PHLDB2: variants seen among roughly 807,000 people sequenced by gnomAD.
The protein encoded by PHLDB2 is pleckstrin homology-like domain family B member 2.
In PHLDB2, 71 loss-of-function variants were observed where a neutral mutation model predicts 123.6. The ratio of observed to expected loss-of-function variants is 0.57; its 90% CI spans 0.47 to 0.70. The LOEUF is 0.70. PHLDB2 is among the 30% of genes least tolerant of loss of function. PHLDB2 has a pLI of 0.00. For missense variants in PHLDB2, 1,446 were observed against 1,519.5 expected (o/e 0.95, Z 0.80); for synonymous variants, 547 against 541.6 (o/e 1.01, Z -0.14).
chr3:111,733,728 C>T (rs1513333), intron 1 of PHLDB2, among the ~76,000 whole-genome samples: 148,048 of 152,238 alleles, frequency 0.97, 72,010 homozygotes, highest in East Asian at 1. Context: ...TTCAAGTCTA[C>T]ACACTCTAGA....
intron 1 of PHLDB2, among the ~76,000 whole-genome samples, chr3:111,812,529 A>G (rs1210935193): frequency 6.6e-6 from 1 of 152,206 alleles, no homozygotes; most frequent in Non-Finnish European, 1.5e-5. Context: ...ATGAGGAGGA[A>G]TTAATGACCT....
intron 1 of PHLDB2, among the ~76,000 whole-genome samples, chr3:111,798,624 G>A (rs937691183): frequency 6.6e-6 from 1 of 151,892 alleles, no homozygotes; most frequent in Non-Finnish European, 1.5e-5. Flanking sequence ...GCTGCAGTGA[G>A]CTATGATCAT....
At chr3:111,797,604 C>T (rs1172602030) in intron 1 of PHLDB2, among the ~76,000 whole-genome samples, 2 of 152,244 alleles carry the variant, frequency 1.3e-5, no homozygotes, top group African/African-American at 4.8e-5. Context: ...TCTTTTTAAA[C>T]TCCTCCTATA....
intron 2 of PHLDB2, among the ~76,000 whole-genome samples, chr3:111,907,645 A>C (rs1305189167): frequency 6.6e-6 from 1 of 151,940 alleles, no homozygotes; most frequent in African/African-American, 2.4e-5. Flanking sequence ...ACAGGTGCCC[A>C]CCACCGCTCC....
chr3:111,765,161 C>T (rs889827331), intron 1 of PHLDB2, among the ~76,000 whole-genome samples: 1 of 152,182 alleles, frequency 6.6e-6, no homozygotes, highest in Non-Finnish European at 1.5e-5. Context: ...ACACTCTTAA[C>T]CCTTGGCTCA....
intron 1 of PHLDB2, among the ~76,000 whole-genome samples, chr3:111,821,997 C>T (rs557959840): frequency 1.3e-5 from 2 of 152,228 alleles, no homozygotes; most frequent in East Asian, 1.9e-4. Flanking sequence ...GATATATAAC[C>T]TCTGTGGGGT....
intron 2 of PHLDB2, among the ~76,000 whole-genome samples, chr3:111,903,915 T>C (rs963736232): frequency 5.3e-5 from 8 of 152,122 alleles, no homozygotes; most frequent in Admixed American, 5.2e-4. Flanking sequence ...GTGTTATAGG[T>C]CTGATAAGTG....
chr3:111,875,543 C>G lies in PHLDB2; in HGVS notation c.-14-8521C>G. Among the ~76,000 whole-genome samples, 2 of 151,738 alleles carry G rather than the reference C, an allele frequency of 1.3e-5. 1 individual carries two copies. On this transcript the variant is annotated intron_variant, in intron 1 of 17. Transcript: ENST00000431670. ...AAATCAACTTAAAATGTTTAATTGG[C>G]AAGACACAGTGGCTCACACCTGTAA...
chr3:111,784,789 T>C (rs1237517261), intron 1 of PHLDB2, among the ~76,000 whole-genome samples: 2 of 152,188 alleles, frequency 1.3e-5, no homozygotes, highest in Non-Finnish European at 2.9e-5. Context: ...TATTGTGAAG[T>C]AAGTATATTT....
chr3:111,784,104 A>G (rs1421875966), intron 1 of PHLDB2, among the ~76,000 whole-genome samples: 1 of 152,150 alleles, frequency 6.6e-6, no homozygotes, highest in Admixed American at 6.6e-5. Flanking sequence ...TGGGAGGGAA[A>G]ATACGTTGGT....
At position 111,939,586 on chromosome 3, in the gene PHLDB2, C is replaced by T; in HGVS notation, c.2242C>T (p.Leu748=). ...AAAGGAGAACTTGACTCAACAGCTC[C>T]TGCGTGAAGTTGCTGAATATCAACG... ...EEKENLTQQL[L]REVAEYQRNI... is the part of the protein sequence containing the mutation. Residue 748 remains leucine, a synonymous_variant, in exon 7 of 18, where the codon CTG becomes TTG. Coordinates refer to ENST00000431670, the MANE Select transcript of PHLDB2 (RefSeq NM_001134438.2). 2 of 1,613,708 alleles carry T rather than the reference C, an allele frequency of 1.2e-6. No homozygotes were observed.
At chr3:111,786,189 C>G (rs2060672644) in intron 1 of PHLDB2, among the ~76,000 whole-genome samples, 1 of 152,046 alleles carries the variant, frequency 6.6e-6, no homozygotes, top group African/African-American at 2.4e-5. Flanking sequence ...TTAAATCATC[C>G]CTAGATTACT....
intron 3 of PHLDB2, 25 bp from the exon 4 acceptor site, chr3:111,919,047 C>T (rs774781411): frequency 6.2e-7 from 1 of 1,611,032 alleles, no homozygotes; most frequent in Non-Finnish European, 8.5e-7. Flanking sequence ...TGTGAATAAT[C>T]CATTTCTGTG....
chr3:111,866,013 C>CTTTTTTTTTTTTTTTTTTTTTT (rs1239058039), intron 1 of PHLDB2, among the ~76,000 whole-genome samples: 1 of 47,672 alleles, frequency 2.1e-5, no homozygotes. Flanking sequence ...CCCACCCACT[C>CTTTTTTTTTTTTTTTTTTTTTT]ATTTTTTTTT....
intron 13 of PHLDB2, among the ~76,000 whole-genome samples, chr3:111,963,242 T>C (rs942695305): frequency 2.6e-5 from 4 of 152,174 alleles, no homozygotes; most frequent in African/African-American, 9.7e-5. Flanking sequence ...ATTCTCCCGA[T>C]AAACCTCACA....
chr3:111,805,198 A>C (rs1255726080), intron 1 of PHLDB2, among the ~76,000 whole-genome samples: 1 of 152,232 alleles, frequency 6.6e-6, no homozygotes, highest in East Asian at 1.9e-4. Flanking sequence ...TGTTTATAGC[A>C]GCTTTGTTCA....
chr3:111,891,689 C>G (rs2066508019), intron 2 of PHLDB2, among the ~76,000 whole-genome samples: 1 of 152,054 alleles, frequency 6.6e-6, no homozygotes, highest in Non-Finnish European at 1.5e-5. Flanking sequence ...GAGACCAATC[C>G]TGTTGCCAAA....
At chr3:111,783,656 A>G (rs1283866539) in intron 1 of PHLDB2, among the ~76,000 whole-genome samples, 1 of 152,160 alleles carries the variant, frequency 6.6e-6, no homozygotes, top group East Asian at 1.9e-4. Context: ...AGGTACTTGT[A>G]TTCCCGAGAC....
Position 111,884,664 on chromosome 3 carries a change from C to G in PHLDB2, c.587C>G (p.Ser196Trp), listed in dbSNP as rs746275580. The G allele has an allele frequency of 1.2e-6, 2 of 1,614,084 alleles. No homozygotes were observed. Among genetic ancestry groups the G allele is most frequent in the East Asian group, 2.2e-5 (1 of 44,862 alleles). Reference sequence around the variant, plus strand: ...GCTGGCCCGCCTCCTATCAGCAGATCGGGAGCCGCAAGCATGCCTTCAAGC... The same window carrying G: ...GCTGGCCCGCCTCCTATCAGCAGATGGGGAGCCGCAAGCATGCCTTCAAGC... The part of the protein sequence containing the change: ...SDAGPPPISR[S>W]GAASMPSSPK... Residue 196 changes from serine (S) to tryptophan (W), a missense_variant, in exon 2 of 18, where the codon TCG becomes TGG. By Grantham distance (177) the Ser-to-Trp change is radical. Around this residue, in one of 3 missense-constraint regions of PHLDB2, gnomAD observed 832 missense variants for 831.9 expected, o/e 1.00. Coordinates refer to ENST00000431670, the MANE Select transcript of PHLDB2 (RefSeq NM_001134438.2).
Sources: gnomAD v4.1 joint callset for allele counts (sites outside exome capture counted in the v4.1 genomes callset) on GRCh38, gnomAD v4.1.1 for gene constraint, gnomAD v4.1.1 regional missense constraint, MANE v1.5 for transcripts, NCBI Gene and HGNC (gene_info 2026-07-23, HGNC 2026-07-21) for gene names.